The following NRG3 variants were observed in gnomAD, a reference collection of about 807,000 sequenced individuals.
NRG3 encodes pro-neuregulin-3, membrane-bound isoform.
In NRG3, 31 loss-of-function variants were observed where a neutral mutation model predicts 66.9. The ratio of observed to expected loss-of-function variants is 0.46; its 90% CI spans 0.35 to 0.63. The LOEUF (loss-of-function observed/expected upper bound fraction) is 0.63. Ranked by LOEUF, NRG3 falls within the 20% of genes least tolerant of loss-of-function variation. The probability of loss-of-function intolerance (pLI) is 0.00; values close to 1 mark genes in which losing one functional copy is unlikely to be tolerated. For missense variants in NRG3, 910 were observed against 878.9 expected (o/e 1.04, Z -0.45); for synonymous variants, 393 against 359.4 (o/e 1.09, Z -1.06).
At chr10:82,205,002 C>T (rs1399173077) in intron 1 of NRG3, among the ~76,000 whole-genome samples, 1 of 152,196 alleles carries the variant, frequency 6.6e-6, no homozygotes, top group South Asian at 2.1e-4. Context: ...TAGACTCAGA[C>T]AAGTTGGGAA....
At chr10:82,275,760 G>A (rs1247799495) in intron 1 of NRG3, among the ~76,000 whole-genome samples, 1 of 151,854 alleles carries the variant, frequency 6.6e-6, no homozygotes, top group Non-Finnish European at 1.5e-5. Context: ...AGATATAATT[G>A]GAGTAAGTTT....
At chr10:82,370,810 A>C (rs1048859269) in intron 2 of NRG3, among the ~76,000 whole-genome samples, 2 of 152,200 alleles carry the variant, frequency 1.3e-5, no homozygotes, top group African/African-American at 4.8e-5. Context: ...GAAAAAAGCC[A>C]AAGACAGTGT....
chr10:82,641,702 A>C (rs181099468), intron 2 of NRG3, among the ~76,000 whole-genome samples: 8 of 152,318 alleles, frequency 5.3e-5, no homozygotes, highest in Admixed American at 4.6e-4. Context: ...AATATGTTAA[A>C]AATCCATGCC....
chr10:81,928,949 G>A (rs967294658), intron 1 of NRG3, among the ~76,000 whole-genome samples: 2 of 152,120 alleles, frequency 1.3e-5, no homozygotes, highest in African/African-American at 4.8e-5. Context: ...AGCCTTCCAA[G>A]TAGCTGGGGC....
intron 2 of NRG3, among the ~76,000 whole-genome samples, chr10:82,429,291 A>G (rs1036135682): frequency 6.6e-6 from 1 of 152,054 alleles, no homozygotes; most frequent in Non-Finnish European, 1.5e-5. Flanking sequence ...ATGTACTTTA[A>G]CTAGTGCTTT....
chr10:82,092,099 A>T (rs1267824409), intron 1 of NRG3, among the ~76,000 whole-genome samples: 1 of 152,166 alleles, frequency 6.6e-6, no homozygotes, highest in Non-Finnish European at 1.5e-5. Flanking sequence ...TAATGCTATA[A>T]GTGCATGATC....
intron 2 of NRG3, among the ~76,000 whole-genome samples, chr10:82,370,112 T>C (rs2084783679): frequency 7.2e-6 from 1 of 138,982 alleles, no homozygotes; most frequent in Admixed American, 6.8e-5. Flanking sequence ...ATCAGCTCAG[T>C]GGACCCTCTG....
chr10:81,981,017 T>C (rs1271144692), intron 1 of NRG3, among the ~76,000 whole-genome samples: 3 of 152,208 alleles, frequency 2.0e-5, no homozygotes, highest in African/African-American at 4.8e-5. Context: ...GGGGCTTCAA[T>C]GTATGCATGA....
chr10:82,721,866 A>G (rs890476629), intron 2 of NRG3, among the ~76,000 whole-genome samples: 2 of 152,010 alleles, frequency 1.3e-5, no homozygotes, highest in Non-Finnish European at 2.9e-5. Flanking sequence ...TCAGATTTAG[A>G]ATGGTATGTC....
At chr10:82,354,233 G>A (rs2083631452) in intron 1 of NRG3, among the ~76,000 whole-genome samples, 1 of 151,158 alleles carries the variant, frequency 6.6e-6, no homozygotes, top group South Asian at 2.1e-4. Flanking sequence ...ATAGATGGGG[G>A]TCTCCCTATG....
In NRG3 at chr10:82,416,639, G is replaced by T. The variant is rs573944005; in HGVS notation, c.953+57771G>T. The stretch of plus-strand genomic sequence containing the variant: ...GTAGACACATAGAGCCCTCCTGTCT[G>T]CTTTAGTCTTGTTCTACCTTCTCAG... On this transcript the variant is annotated intron_variant, in intron 2 of 8. Coordinates refer to ENST00000372141, the MANE Select transcript of NRG3 (RefSeq NM_001010848.4). Among the ~76,000 whole-genome samples, 58 of 152,194 alleles carry T rather than the reference G, an allele frequency of 3.8e-4. No homozygotes were observed. In the East Asian group the frequency reaches 8.1e-3, roughly 21 times the overall value.
At chr10:82,210,092 A>G (rs1162509298) in intron 1 of NRG3, among the ~76,000 whole-genome samples, 1 of 152,208 alleles carries the variant, frequency 6.6e-6, no homozygotes, top group Non-Finnish European at 1.5e-5. Context: ...GAGAAGTAAC[A>G]GGGAGAAAGT....
Position 82,487,092 on chromosome 10 carries a change from ATATC to A in NRG3, c.953+128228_953+128231del, listed in dbSNP as rs918433758. On this transcript the variant is annotated intron_variant, in intron 2 of 8. Transcript: ENST00000372141. The stretch of plus-strand genomic sequence containing the variant: ...TATATGTATATATAATACACTATAT[ATATC>A]TATTATATAGATATATCTATTATAT... 6.1e-5 allele frequency among the ~76,000 whole-genome samples: 9 copies of A among 148,184 alleles called. No individual in the cohort carries two copies. The South Asian group carries it at 6.3e-4, about 10-fold the overall frequency.
In NRG3 at chr10:82,955,625, A is replaced by C. The variant is rs569476920; in HGVS notation, c.1158-3324A>C. On this transcript the variant is annotated intron_variant, in intron 5 of 8. Coordinates refer to ENST00000372141, the MANE Select transcript of NRG3 (RefSeq NM_001010848.4). ...AGGTAATTATCACAAATGGGAAAAAAGAGGAGGATAAAAACTGGTATTATC... is the reference window on the plus strand; with the variant it reads ...AGGTAATTATCACAAATGGGAAAAACGAGGAGGATAAAAACTGGTATTATC... Among the ~76,000 whole-genome samples the C allele has an allele frequency of 5.3e-5, 8 of 151,826 alleles. No individual in the cohort carries two copies. In the East Asian group the frequency reaches 1.3e-3, roughly 26 times the overall value.
At chr10:82,104,124 C>A (rs866161479) in intron 1 of NRG3, among the ~76,000 whole-genome samples, 1 of 152,060 alleles carries the variant, frequency 6.6e-6, no homozygotes, top group African/African-American at 2.4e-5. Flanking sequence ...TCTCATTTGC[C>A]TGCCAATATT....
intron 2 of NRG3, among the ~76,000 whole-genome samples, chr10:82,723,235 C>T (rs1240446514): frequency 6.6e-6 from 1 of 152,108 alleles, no homozygotes; most frequent in Non-Finnish European, 1.5e-5. Flanking sequence ...ACAAATATTG[C>T]ATGCTCTCAC....
intron 2 of NRG3, among the ~76,000 whole-genome samples, chr10:82,540,104 G>A (rs1004549087): frequency 1.1e-4 from 17 of 151,296 alleles, no homozygotes; most frequent in African/African-American, 4.1e-4. Context: ...TTGGCAGTAG[G>A]AGAAGTGGAC....
intron 2 of NRG3, among the ~76,000 whole-genome samples, chr10:82,700,548 T>C (rs1447677846): frequency 6.6e-6 from 1 of 152,178 alleles, no homozygotes; most frequent in Admixed American, 6.5e-5. Flanking sequence ...TGATGTTTTA[T>C]AAATGTTGGT....
intron 2 of NRG3, among the ~76,000 whole-genome samples, chr10:82,660,878 G>A (rs186436100): frequency 3.7e-4 from 56 of 152,150 alleles, no homozygotes; most frequent in Admixed American, 1.7e-3. Flanking sequence ...CTAAGCTATC[G>A]TTGTTTTTTT....
Sources: allele counts gnomAD v4.1 joint callset (sites outside exome capture counted in the v4.1 genomes callset), GRCh38; gene constraint gnomAD v4.1.1; transcripts MANE v1.5; gene names NCBI Gene and HGNC (gene_info 2026-07-23, HGNC 2026-07-21).